The following CADPS variants were observed in gnomAD, a reference collection of about 807,000 sequenced individuals.
The protein encoded by CADPS is calcium-dependent secretion activator 1.
CADPS carries 57 observed loss-of-function variants against 167.3 expected under a neutral mutation model. The ratio of observed to expected loss-of-function variants is 0.34; its 90% CI spans 0.28 to 0.42. The LOEUF is 0.42. CADPS is among the 20% of genes least tolerant of loss of function. The probability of loss-of-function intolerance (pLI) is 1.00; values close to 1 mark genes in which losing one functional copy is unlikely to be tolerated. For missense variants in CADPS, 1,414 were observed against 1,738.1 expected, an observed-to-expected ratio of 0.81 and a Z score of 3.32; for synonymous variants, 676 against 635.3, an observed-to-expected ratio of 1.06 and a Z score of -0.96.
rs372657327 is a variant in CADPS at position 62,558,778 on chromosome 3, C to A, written c.1645-1265G>T. Among the ~76,000 whole-genome samples, 31 of 152,290 alleles carry A rather than the reference C, an allele frequency of 2.0e-4. No homozygotes were observed. The East Asian group carries it at 4.0e-3, about 20-fold the overall frequency. ...TTGGCTCCTGATGGAAACTTTACCG[C>A]CCCACTTGGGTTTCTTTATAATGTA... On this transcript the variant is annotated intron_variant, in intron 9 of 29. Coordinates refer to ENST00000383710, the MANE Select transcript of CADPS (RefSeq NM_003716.4).
chr3:62,642,746 A>G (rs982494008), intron 6 of CADPS, among the ~76,000 whole-genome samples: 2 of 151,978 alleles, frequency 1.3e-5, no homozygotes, highest in Non-Finnish European at 2.9e-5. Context: ...CCATCTCTAC[A>G]AAAACATACA....
At position 62,629,757 on chromosome 3, in the gene CADPS, G is replaced by GTTTTTTTTTTTTT. The variant is rs55956118; in HGVS notation, c.1325+15964_1325+15965insAAAAAAAAAAAAA. Among the ~76,000 whole-genome samples, 12 of 145,746 alleles carry GTTTTTTTTTTTTT rather than the reference G, an allele frequency of 8.2e-5. 1 individual carries two copies. The highest frequency in any genetic ancestry group is 2.2e-4 in the South Asian group (1 of 4,528). On this transcript the variant is annotated intron_variant, in intron 6 of 29. Coordinates refer to ENST00000383710, the MANE Select transcript of CADPS (RefSeq NM_003716.4). ...CCTCTTGCTCACAGACTCTGGTACA[G>GTTTTTTTTTTTTT]TTTTTTTTTTGTTTGTTTGTTTGTT... is the stretch of plus-strand genomic sequence containing the variant.
At chr3:62,699,999 G>A (rs1489640346) in intron 3 of CADPS, among the ~76,000 whole-genome samples, 1 of 152,048 alleles carries the variant, frequency 6.6e-6, no homozygotes, top group Non-Finnish European at 1.5e-5. Context: ...TTCACTAATT[G>A]CTCCTTTACA....
At chr3:62,858,690 C>T (rs1427324450) in intron 1 of CADPS, among the ~76,000 whole-genome samples, 1 of 152,160 alleles carries the variant, frequency 6.6e-6, no homozygotes, top group African/African-American at 2.4e-5. Context: ...GCTGTTCATG[C>T]TGATTAAACA....
At chr3:62,512,807 A>G in intron 16 of CADPS, 39 bp from the exon 17 acceptor site, 1 of 1,584,032 alleles carries the variant, frequency 6.3e-7, no homozygotes, top group Non-Finnish European at 8.6e-7. Flanking sequence ...GAGAAGAGAG[A>G]GAAACAAGAA....
chr3:62,781,209 C>T (rs1269234582), intron 1 of CADPS, among the ~76,000 whole-genome samples: 2 of 152,148 alleles, frequency 1.3e-5, no homozygotes, highest in African/African-American at 4.8e-5. Flanking sequence ...ACTCCACAAT[C>T]TCTCTCAGGA....
intron 13 of CADPS, among the ~76,000 whole-genome samples, chr3:62,529,077 C>T (rs2073041843): frequency 6.6e-6 from 1 of 152,108 alleles, no homozygotes; most frequent in Non-Finnish European, 1.5e-5. Flanking sequence ...AGGAGAATCG[C>T]TTGAGCTCAT....
chr3:62,498,449 G>A (rs1286594417), intron 18 of CADPS, among the ~76,000 whole-genome samples: 1 of 152,010 alleles, frequency 6.6e-6, no homozygotes, highest in Admixed American at 6.6e-5. Flanking sequence ...CTTTTGAGAT[G>A]AGCATTGATA....
At chr3:62,723,448 A>C (rs1245139740) in intron 3 of CADPS, among the ~76,000 whole-genome samples, 1 of 152,122 alleles carries the variant, frequency 6.6e-6, no homozygotes, top group Admixed American at 6.6e-5. Context: ...GTAAGAGGGC[A>C]TGTGGGGCTC....
At chr3:62,599,762 GTATATATAATATATATATTATATATAA>G (rs2059555264) in intron 6 of CADPS, among the ~76,000 whole-genome samples, 3 of 3,008 alleles carry the variant, frequency 1.0e-3, no homozygotes, top group African/African-American at 1.4e-3. Context: ...TATATATATT[GTATATATAATATATATATTATATATAA>G]TATATATAAT....
At chr3:62,731,755 G>C (rs1425683185) in intron 3 of CADPS, among the ~76,000 whole-genome samples, 1 of 133,590 alleles carries the variant, frequency 7.5e-6, no homozygotes, top group Non-Finnish European at 1.5e-5. Context: ...AGACAGGCTA[G>C]CTCCTGCCCT....
rs201960341 is a variant in CADPS, at chr3:62,753,667, C to G, written c.662G>C (p.Ser221Thr). ...FKKHIEKRVR[S>T]LPEIDGLSKE... ...GCTGAGGCCGTCAATCTCAGGCAGGCTGCGCACTCTCTTCTCAATGTGCTT... is the reference window on the plus strand; with the variant it reads ...GCTGAGGCCGTCAATCTCAGGCAGGGTGCGCACTCTCTTCTCAATGTGCTT... Residue 221 changes from serine to threonine, a missense_variant, in exon 3 of 30, where the codon AGC becomes ACC. This residue lies in a region of CADPS where 522 missense variants were observed against 559.5 expected (regional missense o/e 0.93). Transcript: ENST00000383710. The surrounding 1 kb of genome is among the most constrained non-coding windows in gnomAD (Gnocchi z 4.6). 3.3e-5 allele frequency: 54 copies of G among 1,614,216 alleles called. No homozygotes were observed. The African/African-American group carries it at 7.2e-4, about 22-fold the overall frequency.
chr3:62,506,421 A>T (rs980053695), intron 17 of CADPS, among the ~76,000 whole-genome samples: 58 of 152,196 alleles, frequency 3.8e-4, no homozygotes, highest in African/African-American at 1.4e-3. Flanking sequence ...TAAGACAATT[A>T]AAAATAATTT....
At chr3:62,694,478 C>T (rs553188858) in intron 3 of CADPS, among the ~76,000 whole-genome samples, 5 of 152,022 alleles carry the variant, frequency 3.3e-5, no homozygotes, top group Non-Finnish European at 7.4e-5. Context: ...TGGCACCATA[C>T]CCTGGAGGAG....
intron 8 of CADPS, among the ~76,000 whole-genome samples, chr3:62,573,057 T>G (rs1172129025): frequency 6.6e-6 from 1 of 152,096 alleles, no homozygotes; most frequent in East Asian, 1.9e-4. Context: ...AATTTTTGTA[T>G]TTTTAGTAGA....
chr3:62,479,644 C>T (rs1272704808), intron 22 of CADPS, among the ~76,000 whole-genome samples: 1 of 152,244 alleles, frequency 6.6e-6, no homozygotes, highest in Non-Finnish European at 1.5e-5. Context: ...TTTTCAAGGA[C>T]AGACCAGTCT....
intron 1 of CADPS, among the ~76,000 whole-genome samples, chr3:62,785,988 G>A (rs1331842578): frequency 1.3e-4 from 20 of 150,882 alleles, no homozygotes; most frequent in African/African-American, 4.6e-4. Flanking sequence ...TGAGACAGGC[G>A]GATCATTTGA....
intron 13 of CADPS, among the ~76,000 whole-genome samples, chr3:62,524,751 G>C (rs1350076294): frequency 1.3e-5 from 2 of 152,180 alleles, no homozygotes; most frequent in Non-Finnish European, 2.9e-5. Flanking sequence ...ATTAGTCAAA[G>C]TGGCTCAGGC....
At chr3:62,626,440 A>G in intron 6 of CADPS, 1 of 696,230 alleles carries the variant, frequency 1.4e-6, no homozygotes, top group Non-Finnish European at 2.6e-6. Flanking sequence ...GAAATTATTC[A>G]GTAAACAGAG....
Sources: allele counts gnomAD v4.1 joint callset (sites outside exome capture counted in the v4.1 genomes callset), GRCh38; gene constraint gnomAD v4.1.1; regional missense constraint gnomAD v4.1.1; non-coding constraint Gnocchi (gnomAD v3.1); transcripts MANE v1.5; gene names NCBI Gene and HGNC (gene_info 2026-07-23, HGNC 2026-07-21).